MACROD2: variants seen among roughly 807,000 people sequenced by gnomAD.
MACROD2 encodes the protein ADP-ribose glycohydrolase MACROD2.
Under a neutral mutation model 70.4 loss-of-function variants are expected in MACROD2, and 36 were observed. The ratio of observed to expected loss-of-function variants is 0.51; its 90% CI spans 0.39 to 0.68. MACROD2 has a LOEUF of 0.68. Among genes scored for constraint, MACROD2 ranks in the 30% least tolerant of loss-of-function variants. The pLI, the probability that MACROD2 is intolerant of heterozygous loss-of-function variation, is 0.00. For missense variants in MACROD2, 496 were observed against 538.4 expected (o/e 0.92, Z 0.78); for synonymous variants, 172 against 178.8 (o/e 0.96, Z 0.30).
At chr20:15,641,369 G>C (rs531719123) in intron 8 of MACROD2, among the ~76,000 whole-genome samples, 21 of 152,190 alleles carry the variant, frequency 1.4e-4, no homozygotes, top group Non-Finnish European at 2.5e-4. Flanking sequence ...GCAAAGTCTG[G>C]TGGAAATAAA....
chr20:15,282,618 A>C (rs1359476240), intron 6 of MACROD2, among the ~76,000 whole-genome samples: 1 of 152,212 alleles, frequency 6.6e-6, no homozygotes, highest in Non-Finnish European at 1.5e-5. Flanking sequence ...TCCAATTCCC[A>C]AAAAGTTACT....
intron 4 of MACROD2, among the ~76,000 whole-genome samples, chr20:14,637,138 G>A (rs138666064): frequency 6.6e-6 from 1 of 152,158 alleles, no homozygotes; most frequent in East Asian, 1.9e-4. Context: ...GAGAACAGGT[G>A]GGGGAAGAAT....
chr20:15,193,187 T>G (rs2076583193), intron 5 of MACROD2, among the ~76,000 whole-genome samples: 1 of 152,222 alleles, frequency 6.6e-6, no homozygotes, highest in Non-Finnish European at 1.5e-5. Flanking sequence ...TTATCTTGTT[T>G]TCTTATAAGT....
Position 15,069,095 on chromosome 20 carries a change from G to A in MACROD2, c.419-160845G>A, listed in dbSNP as rs559294704. On this transcript the variant is annotated intron_variant, in intron 5 of 17. Coordinates refer to ENST00000684519, the MANE Select transcript of MACROD2 (RefSeq NM_001351661.2). ...AGTGCTAGTACCTTGTTGTGTACTA[G>A]CAAAGGGCTTGGCTGCATTGCATCC... 2.6e-5 allele frequency among the ~76,000 whole-genome samples: 4 copies of A among 152,276 alleles called. No individual in the cohort carries two copies. In the South Asian group the frequency reaches 8.3e-4, roughly 32 times the overall value.
chr20:15,989,005 C>T (rs2147474781), intron 15 of MACROD2, among the ~76,000 whole-genome samples: 1 of 152,274 alleles, frequency 6.6e-6, no homozygotes, highest in Admixed American at 6.5e-5. Flanking sequence ...GGACAAGTTA[C>T]TTAACCTATC....
chr20:14,695,730 G>A (rs1486744021), intron 5 of MACROD2, among the ~76,000 whole-genome samples: 1 of 152,160 alleles, frequency 6.6e-6, no homozygotes, highest in African/African-American at 2.4e-5. Flanking sequence ...AGTGAGCTTG[G>A]GAGCACATTC....
intron 10 of MACROD2, among the ~76,000 whole-genome samples, chr20:15,906,481 C>T (rs1204879082): frequency 6.6e-6 from 1 of 152,128 alleles, no homozygotes; most frequent in Non-Finnish European, 1.5e-5. Flanking sequence ...GGGCATTCAT[C>T]CTGCATGAGC....
At chr20:14,968,895 C>T (rs2074663490) in intron 5 of MACROD2, among the ~76,000 whole-genome samples, 2 of 152,120 alleles carry the variant, frequency 1.3e-5, no homozygotes, top group Admixed American at 6.5e-5. Flanking sequence ...TGTTTTCACG[C>T]ACAATACTAA....
intron 4 of MACROD2, among the ~76,000 whole-genome samples, chr20:14,682,541 T>G (rs1259477365): frequency 6.6e-6 from 1 of 151,966 alleles, no homozygotes; most frequent in African/African-American, 2.4e-5. Flanking sequence ...AACAAAATGG[T>G]AACCATACTA....
intron 9 of MACROD2, among the ~76,000 whole-genome samples, chr20:15,868,577 T>C (rs963344903): frequency 4.0e-5 from 6 of 150,944 alleles, no homozygotes; most frequent in Non-Finnish European, 8.8e-5. Context: ...TAAGCAAGTT[T>C]CATTGCTTCT....
intron 5 of MACROD2, among the ~76,000 whole-genome samples, chr20:14,848,927 T>A (rs2073170769): frequency 6.6e-6 from 1 of 152,094 alleles, no homozygotes; most frequent in African/African-American, 2.4e-5. Context: ...ATACTCCACA[T>A]CCTCCGGCAG....
At chr20:15,243,441 C>T (rs553562384) in intron 6 of MACROD2, among the ~76,000 whole-genome samples, 13 of 152,272 alleles carry the variant, frequency 8.5e-5, no homozygotes, top group African/African-American at 2.4e-4. Flanking sequence ...TCATTTTGAT[C>T]TACATGCACA....
intron 8 of MACROD2, among the ~76,000 whole-genome samples, chr20:15,762,356 G>T (rs183885888): frequency 3.9e-5 from 6 of 152,264 alleles, no homozygotes; most frequent in African/African-American, 1.4e-4. Context: ...AGGTCTGTCT[G>T]CCCTCAATTC....
At chr20:15,009,478 A>G (rs913655379) in intron 5 of MACROD2, among the ~76,000 whole-genome samples, 31 of 152,248 alleles carry the variant, frequency 2.0e-4, no homozygotes, top group African/African-American at 7.2e-4. Context: ...CCAGGTGTGT[A>G]TCTTCTCACA....
chr20:15,474,896 G>A (rs754636985), intron 7 of MACROD2, among the ~76,000 whole-genome samples: 1 of 152,150 alleles, frequency 6.6e-6, no homozygotes, highest in East Asian at 1.9e-4. Flanking sequence ...CCCACAGCAG[G>A]TAGGAATCAC....
intron 15 of MACROD2, among the ~76,000 whole-genome samples, chr20:16,038,710 C>T (rs1249675958): frequency 6.6e-6 from 1 of 151,912 alleles, no homozygotes; most frequent in Non-Finnish European, 1.5e-5. Flanking sequence ...TATGTCATCT[C>T]TTTTATTCTC....
At chr20:15,818,001 C>G (rs903980963) in intron 8 of MACROD2, among the ~76,000 whole-genome samples, 6 of 152,160 alleles carry the variant, frequency 3.9e-5, no homozygotes, top group African/African-American at 1.4e-4. Flanking sequence ...GGTCTCTTCT[C>G]TGCTCTTCCT....
intron 8 of MACROD2, among the ~76,000 whole-genome samples, chr20:15,515,976 A>G (rs1052736866): frequency 1.3e-5 from 2 of 152,154 alleles, no homozygotes; most frequent in African/African-American, 4.8e-5. Flanking sequence ...GACTTCAGAA[A>G]GCTCACCCCC....
chr20:15,291,774 A>C (rs1391338796), intron 6 of MACROD2, among the ~76,000 whole-genome samples: 1 of 152,184 alleles, frequency 6.6e-6, no homozygotes, highest in African/African-American at 2.4e-5. Flanking sequence ...ATTAGTTCCT[A>C]ATCTCATGTG....
Sources: gnomAD v4.1 joint callset for allele counts (sites outside exome capture counted in the v4.1 genomes callset) on GRCh38, gnomAD v4.1.1 for gene constraint, MANE v1.5 for transcripts, NCBI Gene and HGNC (gene_info 2026-07-23, HGNC 2026-07-21) for gene names.